Variants in BMPER observed in about 807,000 individuals in gnomAD.
The protein encoded by BMPER is BMP-binding endothelial regulator protein.
BMPER carries 45 observed loss-of-function variants against 87.3 expected under a neutral mutation model. The ratio of observed to expected loss-of-function variants is 0.52; its 90% CI spans 0.41 to 0.66. The LOEUF (loss-of-function observed/expected upper bound fraction) is 0.66. Among genes scored for constraint, BMPER ranks in the 30% least tolerant of loss-of-function variants. The pLI, the probability that BMPER is intolerant of heterozygous loss-of-function variation, is 0.00. For synonymous variants in BMPER, 326 were observed against 316.2 expected (o/e 1.03, Z -0.33); for missense variants, 784 against 867.5 (o/e 0.90, Z 1.21).
At chr7:34,083,394 C>G (rs1245310913) in intron 12 of BMPER, among the ~76,000 whole-genome samples, 1 of 152,136 alleles carries the variant, frequency 6.6e-6, no homozygotes, top group Non-Finnish European at 1.5e-5. Context: ...GGCTCTCTTT[C>G]TTCTTTATCT....
At chr7:33,905,884 G>A in intron 1 of BMPER, 138 bp downstream of exon 1, 1 of 1,241,028 alleles carries the variant, frequency 8.1e-7, no homozygotes, top group Admixed American at 2.1e-5. Flanking sequence ...CGATGGGGAT[G>A]AAGCGAAGCC....
chr7:34,024,357 CA>C (rs1169634357), intron 6 of BMPER, among the ~76,000 whole-genome samples: 279 of 4,650 alleles, frequency 0.06, 12 homozygotes, highest in Non-Finnish European at 0.075. Flanking sequence ...AACTCTGTCT[CA>C]AAAAAAAAAA....
intron 13 of BMPER, among the ~76,000 whole-genome samples, chr7:34,096,185 C>T (rs755075396): frequency 6.6e-6 from 1 of 152,186 alleles, no homozygotes; most frequent in African/African-American, 2.4e-5. Context: ...TGGGTGTCCT[C>T]AGAGGTGGCC....
intron 14 of BMPER, among the ~76,000 whole-genome samples, chr7:34,149,279 G>C (rs1041752418): frequency 5.9e-5 from 9 of 152,286 alleles, no homozygotes; most frequent in African/African-American, 9.6e-5. Flanking sequence ...GGCATATCAA[G>C]AGACTCTTAT....
chr7:33,974,160 C>T (rs543549829), intron 5 of BMPER, among the ~76,000 whole-genome samples: 1 of 152,136 alleles, frequency 6.6e-6, no homozygotes, highest in Non-Finnish European at 1.5e-5. Context: ...GTTACTTTCC[C>T]CTCTGAGCCA....
chr7:33,920,715 G>T (rs927396926), intron 2 of BMPER, among the ~76,000 whole-genome samples: 1 of 152,002 alleles, frequency 6.6e-6, no homozygotes, highest in Non-Finnish European at 1.5e-5. Flanking sequence ...GTGAGCCATC[G>T]CACCTGGCCA....
intron 13 of BMPER, among the ~76,000 whole-genome samples, chr7:34,123,639 C>T (rs1002111493): frequency 6.6e-6 from 1 of 152,172 alleles, no homozygotes; most frequent in African/African-American, 2.4e-5. Flanking sequence ...TATAGTTTAA[C>T]TTATGATTTT....
At chr7:33,989,707 T>C (rs1382662546) in intron 6 of BMPER, among the ~76,000 whole-genome samples, 15 of 152,212 alleles carry the variant, frequency 9.9e-5, no homozygotes, top group Non-Finnish European at 8.8e-5. Context: ...GTGTCCTGAA[T>C]GGTAATGCCT....
chr7:33,973,212 C>T (rs558537547), intron 5 of BMPER, among the ~76,000 whole-genome samples: 38 of 150,640 alleles, frequency 2.5e-4, no homozygotes, highest in African/African-American at 7.3e-4. Context: ...TCTGGCAATC[C>T]GTGTGACAAA....
At position 34,086,013 on chromosome 7, in the gene BMPER, G is replaced by A. The variant is rs1562734322; in HGVS notation, c.1666G>A (p.Ala556Thr). 1.9e-6 allele frequency: 3 copies of A among 1,614,072 alleles called. No homozygotes were observed. Among genetic ancestry groups the A allele is most frequent in the East Asian group, 4.5e-5 (2 of 44,868 alleles). ...AGGGACAGTCAAGGTAAAGCTCCGG[G>A]CCCATCGAGAATGCCAAAAGCTCAA... ...CQGTVKVKLR[A>T]HRECQKLKSW... Residue 556 changes from alanine (A) to threonine (T), a missense_variant, in exon 13 of 15, where the codon GCC (alanine) becomes ACC (threonine). By Grantham distance (58) the Ala-to-Thr change is moderately conservative. Transcript: ENST00000649409.
At chr7:34,108,014 G>A (rs767555053) in intron 13 of BMPER, among the ~76,000 whole-genome samples, 15 of 152,126 alleles carry the variant, frequency 9.9e-5, no homozygotes, top group African/African-American at 2.9e-4. Flanking sequence ...AAAATGCTAC[G>A]CATGTATACT....
intron 6 of BMPER, among the ~76,000 whole-genome samples, chr7:33,991,163 A>G (rs1437095187): frequency 2.7e-5 from 4 of 147,620 alleles, no homozygotes; most frequent in African/African-American, 7.4e-5. Flanking sequence ...CTCTTTTTCT[A>G]TTGATTGGAA....
intron 12 of BMPER, among the ~76,000 whole-genome samples, chr7:34,081,147 A>G (rs1789037275): frequency 6.6e-6 from 1 of 152,140 alleles, no homozygotes; most frequent in African/African-American, 2.4e-5. Flanking sequence ...CTTACTTTAC[A>G]CTTATTCTTT....
At chr7:34,055,128 C>T (rs946719199) in intron 8 of BMPER, 35 bp from the exon 9 acceptor site, 2 of 1,613,926 alleles carry the variant, frequency 1.2e-6, no homozygotes, top group Non-Finnish European at 1.7e-6. Flanking sequence ...AGGCGAAAAT[C>T]ATTTTTAATT....
At chr7:34,132,349 CA>C (rs1338235775) in intron 13 of BMPER, among the ~76,000 whole-genome samples, 1 of 152,042 alleles carries the variant, frequency 6.6e-6, no homozygotes, top group Non-Finnish European at 1.5e-5. Flanking sequence ...CACCACACCC[CA>C]AAGGCCCCAG....
intron 8 of BMPER, among the ~76,000 whole-genome samples, chr7:34,054,771 A>G (rs1229718295): frequency 6.6e-6 from 1 of 152,212 alleles, no homozygotes; most frequent in Non-Finnish European, 1.5e-5. Context: ...AAGGTGGCAT[A>G]AAGCCGTGGA....
intron 6 of BMPER, among the ~76,000 whole-genome samples, chr7:33,986,937 G>GT (rs1330049866): frequency 4.0e-5 from 6 of 151,696 alleles, no homozygotes; most frequent in Non-Finnish European, 8.8e-5. Flanking sequence ...TTTGTGCTTC[G>GT]TGGCTCCCCT....
intron 11 of BMPER, among the ~76,000 whole-genome samples, chr7:34,065,713 C>A (rs530435088): frequency 4.5e-4 from 68 of 152,302 alleles, no homozygotes; most frequent in African/African-American, 1.6e-3. Flanking sequence ...AAAAAAGTTG[C>A]TATCTTTGCT....
At chr7:34,141,214 G>A (rs927354856) in intron 13 of BMPER, among the ~76,000 whole-genome samples, 7 of 126,966 alleles carry the variant, frequency 5.5e-5, no homozygotes, top group African/African-American at 2.0e-4. Context: ...GAATTCCAGA[G>A]TCTCTACCCA....
Sources: gnomAD v4.1 joint callset for allele counts (sites outside exome capture counted in the v4.1 genomes callset) on GRCh38, gnomAD v4.1.1 for gene constraint, MANE v1.5 for transcripts, NCBI Gene and HGNC (gene_info 2026-07-23, HGNC 2026-07-21) for gene names.